The following PMS1 variants were observed in gnomAD, a reference collection of about 807,000 sequenced individuals.
PMS1 encodes PMS1 homolog 1, mismatch repair system component, also known as PMS1 protein homolog 1.
Under a neutral mutation model 93.1 loss-of-function variants are expected in PMS1, and 79 were observed. That is an observed-to-expected ratio of 0.85 (90% confidence interval 0.71 to 1.02). PMS1 has a LOEUF of 1.02. Ranked by LOEUF, PMS1 falls within the 50% of genes least tolerant of loss-of-function variation. PMS1 has a pLI of 0.00. For synonymous variants in PMS1, 335 were observed against 363.4 expected (o/e 0.92, Z 0.89); for missense variants, 1,064 against 1,085.3 (o/e 0.98, Z 0.28).
At chr2:189,829,312 T>C (rs1000301697) in intron 5 of PMS1, among the ~76,000 whole-genome samples, 1 of 152,132 alleles carries the variant, frequency 6.6e-6, no homozygotes, top group Admixed American at 6.6e-5. Flanking sequence ...AAAACCACAC[T>C]CACTCCATAA....
intron 10 of PMS1, among the ~76,000 whole-genome samples, chr2:189,865,782 A>G (rs1268686594): frequency 6.6e-6 from 1 of 152,208 alleles, no homozygotes; most frequent in Non-Finnish European, 1.5e-5. Flanking sequence ...AGACACAGGT[A>G]GAAGAGAATC....
chr2:189,837,621 T>C (rs1200487204), intron 5 of PMS1, among the ~76,000 whole-genome samples: 6 of 152,176 alleles, frequency 3.9e-5, no homozygotes, highest in Non-Finnish European at 7.3e-5. Flanking sequence ...ACGCAAAGAT[T>C]ACAGTCTGGC....
At chr2:189,861,241 A>G (rs1167035862) in intron 9 of PMS1, among the ~76,000 whole-genome samples, 3 of 152,000 alleles carry the variant, frequency 2.0e-5, no homozygotes, top group African/African-American at 7.2e-5. Flanking sequence ...TTTGGTGATT[A>G]CATTATGCAT....
intron 12 of PMS1, among the ~76,000 whole-genome samples, chr2:189,875,955 CAAAAA>C (rs561168809): frequency 8.7e-5 from 4 of 46,192 alleles, no homozygotes; most frequent in African/African-American, 3.2e-4. Context: ...GACTCTGTCT[CAAAAA>C]AAAAAAAAAA....
At chr2:189,792,424 CAT>C (rs1234116424) in intron 2 of PMS1, among the ~76,000 whole-genome samples, 1 of 151,976 alleles carries the variant, frequency 6.6e-6, no homozygotes, top group Non-Finnish European at 1.5e-5. Flanking sequence ...ATTGCTAACA[CAT>C]AGAGATATGG....
At chr2:189,871,375 G>A (rs897468835) in intron 11 of PMS1, among the ~76,000 whole-genome samples, 1 of 152,104 alleles carries the variant, frequency 6.6e-6, no homozygotes, top group Non-Finnish European at 1.5e-5. Context: ...ATTTGTGTTG[G>A]GCTGCATTCA....
In PMS1 at chr2:189,843,943, C is replaced by G. The variant is rs2054023131; in HGVS notation, c.583-21C>G. 5 of 1,580,606 alleles carry G rather than the reference C, an allele frequency of 3.2e-6. No homozygotes were observed. The East Asian group carries it at 1.1e-4, about 35-fold the overall frequency. ...AAATCTAAATTGTATTAAAAGTTAT[C>G]TATATCATTTTTGTCCCTAGGCAGT... On this transcript the variant is annotated intron_variant, in intron 5 of 12. Coordinates refer to ENST00000441310, the MANE Select transcript of PMS1 (RefSeq NM_000534.5).
At chr2:189,862,821 T>G (rs569372326) in intron 9 of PMS1, among the ~76,000 whole-genome samples, 2 of 152,342 alleles carry the variant, frequency 1.3e-5, no homozygotes, top group Non-Finnish European at 2.9e-5. Context: ...GCCATGAAAC[T>G]GTGGAATTCA....
chr2:189,792,014 T>G, intron 2 of PMS1, 73 bp downstream of exon 2: 1 of 1,307,300 alleles, frequency 7.6e-7, no homozygotes. Flanking sequence ...CTCCTTAAAC[T>G]GTTACCTTTA....
At chr2:189,872,244 T>G (rs1243457454) in intron 11 of PMS1, among the ~76,000 whole-genome samples, 1 of 152,200 alleles carries the variant, frequency 6.6e-6, no homozygotes, top group African/African-American at 2.4e-5. Flanking sequence ...GAAAAATGTT[T>G]AGGATACCAT....
intron 3 of PMS1, 58 bp downstream of exon 3, chr2:189,796,009 AAACT>A (rs2049322387): frequency 9.0e-7 from 1 of 1,117,270 alleles, no homozygotes; most frequent in South Asian, 1.2e-5. Context: ...ATTACAGTTA[AAACT>A]AACCCAGTAT....
At position 189,877,604 on chromosome 2, in the gene PMS1, G is replaced by A. The variant is rs886055369; in HGVS notation, c.*168G>A. ...AAAAGTTCCACGTATTGTAGAAAAC[G>A]TAAATAAACTAATATAGACTATTCA... On this transcript the variant is annotated 3_prime_UTR_variant, in exon 13 of 13. Transcript: ENST00000441310. 5.6e-5 allele frequency: 33 copies of A among 591,366 alleles called. 1 individual carries two copies. The highest frequency in any genetic ancestry group is 7.5e-5 in the Non-Finnish European group (25 of 333,284). The allele number at this position is 591,366 out of a possible 1,614,324, so 36.6% of individuals were successfully genotyped here.
intron 4 of PMS1, among the ~76,000 whole-genome samples, chr2:189,807,886 G>GT (rs1184304036): frequency 6.6e-6 from 1 of 152,006 alleles, no homozygotes; most frequent in Non-Finnish European, 1.5e-5. Context: ...TCATAACTCA[G>GT]TTTTTTCACC....
At chr2:189,876,804 G>T (rs1263886744) in intron 12 of PMS1, among the ~76,000 whole-genome samples, 2 of 144,374 alleles carry the variant, frequency 1.4e-5, no homozygotes, top group African/African-American at 5.3e-5. Flanking sequence ...TGGAGACTGG[G>T]TCTCACTGTG....
chr2:189,872,410 A>G (rs902552037), intron 11 of PMS1, among the ~76,000 whole-genome samples: 2 of 152,094 alleles, frequency 1.3e-5, no homozygotes, highest in African/African-American at 4.8e-5. Flanking sequence ...GATAGCTACT[A>G]CTTATCCAAG....
chr2:189,870,912 A>G (rs2057090995), intron 11 of PMS1, among the ~76,000 whole-genome samples: 2 of 152,214 alleles, frequency 1.3e-5, no homozygotes, highest in African/African-American at 4.8e-5. Flanking sequence ...CTATAAAGGA[A>G]TACCTGAGAC....
intron 2 of PMS1, 92 bp downstream of exon 2, chr2:189,792,033 C>A (rs2048913971): frequency 3.7e-6 from 4 of 1,078,136 alleles, no homozygotes; most frequent in East Asian, 2.6e-5. Context: ...TATTTTATTT[C>A]TTTACACCAA....
At chr2:189,809,633 C>T (rs892316047) in intron 4 of PMS1, among the ~76,000 whole-genome samples, 4 of 151,882 alleles carry the variant, frequency 2.6e-5, no homozygotes, top group African/African-American at 4.8e-5. Flanking sequence ...ATCTTGAGGT[C>T]AGGAGTTCAA....
intron 4 of PMS1, among the ~76,000 whole-genome samples, chr2:189,811,446 A>AT (rs963410983): frequency 1.7e-4 from 26 of 151,900 alleles, no homozygotes; most frequent in African/African-American, 6.0e-4. Context: ...AAATTACCCA[A>AT]TTTTTTTGTG....
Sources: gnomAD v4.1 joint callset for allele counts (sites outside exome capture counted in the v4.1 genomes callset) on GRCh38, gnomAD v4.1.1 for gene constraint, MANE v1.5 for transcripts, NCBI Gene and HGNC (gene_info 2026-07-23, HGNC 2026-07-21) for gene names.